The following CECR2 variants were observed in gnomAD, a reference collection of about 807,000 sequenced individuals.
CECR2 encodes chromatin remodeling regulator CECR2.
A neutral mutation model predicts 154.5 loss-of-function variants in CECR2; 30 were observed. The ratio of observed to expected loss-of-function variants is 0.19; its 90% confidence interval spans 0.15 to 0.26. CECR2 has a LOEUF of 0.26. Ranked by LOEUF, CECR2 falls within the 10% of genes least tolerant of loss-of-function variation. The pLI, the probability that CECR2 is intolerant of heterozygous loss-of-function variation, is 1.00. For synonymous variants in CECR2, 725 were observed against 683.7 expected, an observed-to-expected ratio of 1.06 and a Z score of -0.94; for missense variants, 1,743 against 1,829.3, an observed-to-expected ratio of 0.95 and a Z score of 0.86.
chr22:17,548,916 C>T lies in CECR2; in HGVS notation c.3629C>T (p.Ser1210Phe), dbSNP rs773835494. The T allele has an allele frequency of 3.0e-5, 49 of 1,613,546 alleles. No homozygotes were observed. Among genetic ancestry groups the T allele is most frequent in the Non-Finnish European group, 4.2e-5 (49 of 1,179,608 alleles). The part of the protein sequence containing the change: ...TPYYACPQSF[S>F]DWQRPLHPQG... ...TACTATGCCTGTCCACAGAGCTTTTCTGACTGGCAGAGACCTCTCCATCCC... is the reference window on the plus strand; with the variant it reads ...TACTATGCCTGTCCACAGAGCTTTTTTGACTGGCAGAGACCTCTCCATCCC... The change falls in exon 17 of 19, where the codon TCT becomes TTT. Residue 1210 changes from serine (S) to phenylalanine (F), a missense_variant. By Grantham distance (155) the Ser-to-Phe change is radical. Around this residue, in one of 4 missense-constraint regions of CECR2, gnomAD observed 1,250 missense variants for 1,192.1 expected, o/e 1.05. Coordinates refer to ENST00000262608, the MANE Select transcript of CECR2 (RefSeq NM_001290047.2).
intron 1 of CECR2, among the ~76,000 whole-genome samples, chr22:17,417,765 C>T (rs746262387): frequency 3.3e-5 from 5 of 151,960 alleles, no homozygotes; most frequent in South Asian, 2.1e-4. Context: ...ACTATAGACA[C>T]GTGCCACCAT....
chr22:17,361,817 A>G (rs181802865), intron 1 of CECR2, among the ~76,000 whole-genome samples: 12 of 152,186 alleles, frequency 7.9e-5, no homozygotes, highest in Admixed American at 3.9e-4. Context: ...AATGTACTAC[A>G]CATCTATTCC....
intron 1 of CECR2, among the ~76,000 whole-genome samples, chr22:17,429,580 G>T (rs1445718840): frequency 6.9e-6 from 1 of 144,574 alleles, no homozygotes; most frequent in African/African-American, 2.6e-5. Context: ...AGAAAAAAGA[G>T]ATCTCACAGG....
intron 7 of CECR2, among the ~76,000 whole-genome samples, chr22:17,505,895 A>C (rs533427868): frequency 7.3e-6 from 1 of 137,646 alleles, no homozygotes; most frequent in African/African-American, 2.8e-5. Flanking sequence ...CCCAGACTGG[A>C]ATGCAGTAGT....
Position 17,437,012 on chromosome 22 carries a change from A to G in CECR2, c.127-40576A>G, listed in dbSNP as rs997899203. ...GGAGAATGGGTTGTGGAAGGTGAAA[A>G]CTTTCCTTTTAAAATCCTAGTGACT... On this transcript the variant is annotated intron_variant, in intron 1 of 18. Transcript: ENST00000262608. Among the ~76,000 whole-genome samples the G allele has an allele frequency of 2.0e-5, 3 of 152,148 alleles. No homozygotes were observed. The East Asian group carries it at 5.8e-4, about 29-fold the overall frequency.
intron 1 of CECR2, among the ~76,000 whole-genome samples, chr22:17,390,050 A>G (rs1205291604): frequency 6.6e-6 from 1 of 152,196 alleles, no homozygotes; most frequent in African/African-American, 2.4e-5. Flanking sequence ...TAATTTGTAC[A>G]TTATTTTTAT....
chr22:17,517,705 T>G (rs2056083300), intron 8 of CECR2, among the ~76,000 whole-genome samples: 2 of 152,214 alleles, frequency 1.3e-5, no homozygotes. Context: ...CCTAAACTTA[T>G]CCACGTACAC....
chr22:17,492,502 G>A (rs2055549722), intron 2 of CECR2, among the ~76,000 whole-genome samples: 1 of 152,174 alleles, frequency 6.6e-6, no homozygotes, highest in Non-Finnish European at 1.5e-5. Context: ...TCTCTGCTGG[G>A]CCTCTAAGAA....
intron 4 of CECR2, 117 bp downstream of exon 4, chr22:17,499,666 G>A (rs1049311768): frequency 4.8e-6 from 5 of 1,032,776 alleles, no homozygotes; most frequent in Non-Finnish European, 6.8e-6. Context: ...CTCTAAGCAT[G>A]CCTGCAAAGA....
intron 1 of CECR2, among the ~76,000 whole-genome samples, chr22:17,394,757 A>G (rs1467627773): frequency 6.6e-6 from 1 of 152,180 alleles, no homozygotes; most frequent in African/African-American, 2.4e-5. Context: ...ATCAATGCTA[A>G]GTGTTCCAAT....
intron 1 of CECR2, among the ~76,000 whole-genome samples, chr22:17,382,549 C>T (rs953941761): frequency 1.3e-5 from 2 of 152,186 alleles, no homozygotes; most frequent in South Asian, 2.1e-4. Context: ...TCACAGTATA[C>T]TATAGCCTGT....
At chr22:17,486,594 C>T (rs566429406) in intron 2 of CECR2, among the ~76,000 whole-genome samples, 2 of 152,278 alleles carry the variant, frequency 1.3e-5, no homozygotes, top group East Asian at 3.9e-4. Context: ...GCAAGCCTTA[C>T]TACAGCTGTG....
At chr22:17,479,765 CTTTTTTTTTT>C (rs571664926) in intron 2 of CECR2, among the ~76,000 whole-genome samples, 5 of 117,082 alleles carry the variant, frequency 4.3e-5, no homozygotes, top group African/African-American at 1.6e-4. Flanking sequence ...TGTGGTCTTT[CTTTTTTTTTT>C]TTTTTTTTTT....
chr22:17,540,527 G>A lies in CECR2; in HGVS notation c.1611G>A (p.Lys537=). The stretch of plus-strand genomic sequence containing the variant: ...AATTTTGGATTCGAGAGGATGAAAA[G>A]CGGGAGAAAAGACGGAGTCGGGCTG... ...DEEFWIREDE[K]REKRRSRAGR... Residue 537 remains lysine, a synonymous_variant, in exon 14 of 19, where the codon AAG becomes AAA. Coordinates refer to ENST00000262608, the MANE Select transcript of CECR2 (RefSeq NM_001290047.2). 2 of 1,612,202 alleles carry A rather than the reference G, an allele frequency of 1.2e-6. No homozygotes were observed. Among genetic ancestry groups the A allele is most frequent in the Non-Finnish European group, 1.7e-6 (2 of 1,178,892 alleles).
chr22:17,518,559 C>CTGCAACTGTCTTCCTTCCAT (rs1226650445), intron 8 of CECR2: 7 of 289,092 alleles, frequency 2.4e-5, no homozygotes, highest in Middle Eastern at 1.1e-3. Flanking sequence ...ATCTCCTTCT[C>CTGCAACTGTCTTCCTTCCAT]TGCAACTGTC....
At chr22:17,521,490 A>G (rs1199385418) in intron 8 of CECR2, among the ~76,000 whole-genome samples, 1 of 150,048 alleles carries the variant, frequency 6.7e-6, no homozygotes, top group Non-Finnish European at 1.5e-5. Context: ...GCGCCACTGC[A>G]CTCCAGCCTG....
chr22:17,430,869 T>TTA (rs758985415), intron 1 of CECR2, among the ~76,000 whole-genome samples: 170 of 152,202 alleles, frequency 1.1e-3, no homozygotes, highest in African/African-American at 3.9e-3. Flanking sequence ...TGCCTACTAT[T>TTA]TATATATATA....
At chr22:17,552,771 TA>T (rs1413971285) in intron 18 of CECR2, 63 bp from the exon 19 acceptor site, 1 of 1,377,622 alleles carries the variant, frequency 7.3e-7, no homozygotes, top group East Asian at 2.5e-5. Flanking sequence ...TTGGCTTACT[TA>T]AGTTTTTTTT....
chr22:17,383,527 GT>G, intron 1 of CECR2, among the ~76,000 whole-genome samples: 1 of 151,606 alleles, frequency 6.6e-6, no homozygotes, highest in South Asian at 2.1e-4. Flanking sequence ...TACTTTTTTT[GT>G]TCATCCATAA....
Sources: allele counts gnomAD v4.1 joint callset (sites outside exome capture counted in the v4.1 genomes callset), GRCh38; gene constraint gnomAD v4.1.1; regional missense constraint gnomAD v4.1.1; transcripts MANE v1.5; gene names NCBI Gene and HGNC (gene_info 2026-07-23, HGNC 2026-07-21).